The following PTPRD variants were observed in gnomAD, a reference collection of about 807,000 sequenced individuals.
PTPRD encodes receptor-type tyrosine-protein phosphatase delta.
Under a neutral mutation model 214.5 loss-of-function variants are expected in PTPRD, and 34 were observed. The observed-to-expected ratio is 0.16, with a 90% CI of 0.12 to 0.21. PTPRD has a LOEUF of 0.21. Ranked by LOEUF, PTPRD falls within the 10% of genes least tolerant of loss-of-function variation. PTPRD has a pLI of 1.00. For missense variants in PTPRD, 2,545 were observed against 2,398.7 expected, an observed-to-expected ratio of 1.06 and a Z score of -1.27; for synonymous variants, 1,128 against 845.7, an observed-to-expected ratio of 1.33 and a Z score of -5.79.
At chr9:8,417,008 T>TA (rs2093985709) in intron 35 of PTPRD, among the ~76,000 whole-genome samples, 1 of 152,080 alleles carries the variant, frequency 6.6e-6, no homozygotes. Context: ...ACGTAAATTA[T>TA]AAATTTATTA....
intron 3 of PTPRD, among the ~76,000 whole-genome samples, chr9:10,150,718 A>C (rs1329151646): frequency 6.6e-6 from 1 of 152,056 alleles, no homozygotes; most frequent in Non-Finnish European, 1.5e-5. Context: ...AACAAAAAAA[A>C]AGAAATGGTG....
intron 4 of PTPRD, among the ~76,000 whole-genome samples, chr9:9,964,453 G>A (rs948076683): frequency 6.6e-6 from 1 of 152,122 alleles, no homozygotes; most frequent in Non-Finnish European, 1.5e-5. Context: ...AGGATGCAGA[G>A]TAAAATCTAA....
intron 4 of PTPRD, among the ~76,000 whole-genome samples, chr9:9,941,568 C>T (rs547148850): frequency 1.8e-4 from 28 of 152,286 alleles, no homozygotes; most frequent in African/African-American, 6.5e-4. Flanking sequence ...AGTGATCCAC[C>T]GGCCTCAGCC....
intron 10 of PTPRD, among the ~76,000 whole-genome samples, chr9:9,049,889 T>C (rs572449981): frequency 6.6e-6 from 1 of 152,292 alleles, no homozygotes; most frequent in African/African-American, 2.4e-5. Context: ...GACCCCAACT[T>C]TGAGATTAGA....
intron 2 of PTPRD, among the ~76,000 whole-genome samples, chr9:10,353,298 T>C (rs1247594080): frequency 1.3e-5 from 2 of 151,974 alleles, no homozygotes; most frequent in Non-Finnish European, 2.9e-5. Flanking sequence ...AAACTTACAA[T>C]AATGGTCCTA....
intron 8 of PTPRD, among the ~76,000 whole-genome samples, chr9:9,435,611 C>T (rs1333816232): frequency 6.6e-6 from 1 of 152,078 alleles, no homozygotes; most frequent in Non-Finnish European, 1.5e-5. Flanking sequence ...GATTTTTCAA[C>T]TGCCTTTCAT....
At chr9:8,452,433 A>G (rs1288270709) in intron 33 of PTPRD, among the ~76,000 whole-genome samples, 1 of 152,216 alleles carries the variant, frequency 6.6e-6, no homozygotes, top group African/African-American at 2.4e-5. Flanking sequence ...ACGTTGTCAT[A>G]AAATATTAAA....
intron 11 of PTPRD, among the ~76,000 whole-genome samples, chr9:9,008,067 G>A (rs943359137): frequency 6.9e-6 from 1 of 145,462 alleles, no homozygotes; most frequent in Non-Finnish European, 1.5e-5. Flanking sequence ...AAACAGATAC[G>A]AAAATTGATA....
chr9:9,504,566 G>A (rs2154233566), intron 8 of PTPRD, among the ~76,000 whole-genome samples: 1 of 151,764 alleles, frequency 6.6e-6, no homozygotes, highest in East Asian at 1.9e-4. Context: ...GGAAAAAACT[G>A]AAAGCATTCC....
intron 39 of PTPRD, among the ~76,000 whole-genome samples, chr9:8,367,451 C>G (rs114786057): frequency 0.012 from 1,820 of 152,114 alleles, 28 homozygotes; most frequent in African/African-American, 0.042. Flanking sequence ...TGCTAAGCAT[C>G]CTATAATGTA....
At chr9:10,049,170 C>T (rs191246161) in intron 3 of PTPRD, among the ~76,000 whole-genome samples, 223 of 152,198 alleles carry the variant, frequency 1.5e-3, no homozygotes, top group African/African-American at 5.1e-3. Flanking sequence ...TTCAATGTGG[C>T]GTTTGCGGAA....
chr9:8,737,536 A>G (rs2090755243), intron 11 of PTPRD, among the ~76,000 whole-genome samples: 1 of 151,224 alleles, frequency 6.6e-6, no homozygotes, highest in Non-Finnish European at 1.5e-5. Flanking sequence ...AAAAAAAAAG[A>G]GCAAGGAGGT....
At chr9:8,547,212 T>C (rs967710302) in intron 14 of PTPRD, among the ~76,000 whole-genome samples, 22 of 152,166 alleles carry the variant, frequency 1.4e-4, no homozygotes, top group African/African-American at 4.6e-4. Flanking sequence ...CCCATAACAG[T>C]CTGAGAAATG....
intron 11 of PTPRD, among the ~76,000 whole-genome samples, chr9:8,972,323 A>C (rs2099243430): frequency 6.6e-6 from 1 of 151,958 alleles, no homozygotes; most frequent in Non-Finnish European, 1.5e-5. Flanking sequence ...ATAAAATACA[A>C]AAGAATGACA....
At chr9:9,098,252 T>C (rs1337980629) in intron 10 of PTPRD, among the ~76,000 whole-genome samples, 1 of 152,108 alleles carries the variant, frequency 6.6e-6, no homozygotes, top group Non-Finnish European at 1.5e-5. Context: ...CTTTTGTCCA[T>C]AAATAGATTT....
At chr9:10,205,018 T>C (rs2099461744) in intron 3 of PTPRD, among the ~76,000 whole-genome samples, 1 of 144,378 alleles carries the variant, frequency 6.9e-6, no homozygotes, top group Admixed American at 6.8e-5. Flanking sequence ...AATTCTATTT[T>C]TAACAAGCTC....
In PTPRD at chr9:10,253,607, G is replaced by A. The variant is rs145885082; in HGVS notation, c.-545+87356C>T. On this transcript the variant is annotated intron_variant, in intron 3 of 45. Transcript: ENST00000381196. ...TTCATCGCTCAGCTTTATTTATAAG[G>A]GCTGGAGGCTTTCAACTGTTTCAAG... Among the ~76,000 whole-genome samples the A allele has an allele frequency of 8.5e-4, 129 of 152,270 alleles. 1 individual carries two copies. The East Asian group carries it at 0.022, about 26-fold the overall frequency.
At position 8,492,886 on chromosome 9, in the gene PTPRD, T is replaced by C. The variant is rs61733169; in HGVS notation, c.2443A>G (p.Lys815Glu). 3.4e-4 allele frequency: 542 copies of C among 1,613,690 alleles called. 4 individuals carry two copies. Among genetic ancestry groups the C allele is most frequent in the Non-Finnish European group, 4.3e-4 (506 of 1,179,758 alleles). Residue 815 changes from lysine (K) to glutamate (E), a missense_variant, in exon 27 of 46, where the codon AAA becomes GAA. By Grantham distance (56) the Lys-to-Glu change is moderately conservative. Coordinates refer to ENST00000381196, the MANE Select transcript of PTPRD (RefSeq NM_002839.4). Reference protein sequence around the residue: ...TKGDGARSKPKLVSTTGAVPG... With the variant: ...TKGDGARSKPELVSTTGAVPG... ...CCTGCCCCAGTGGTGGACACCAGTT[T>C]GGGCTTGCTGCGAGCACCATCTCCT...
chr9:10,551,190 G>A (rs1480885795), intron 2 of PTPRD, among the ~76,000 whole-genome samples: 2 of 151,976 alleles, frequency 1.3e-5, no homozygotes, highest in Non-Finnish European at 2.9e-5. Context: ...CTTAAAAAAA[G>A]TAGCCATGTA....
Sources: allele counts gnomAD v4.1 joint callset (sites outside exome capture counted in the v4.1 genomes callset), GRCh38; gene constraint gnomAD v4.1.1; transcripts MANE v1.5; gene names NCBI Gene and HGNC (gene_info 2026-07-23, HGNC 2026-07-21).